The following COBL variants were observed in gnomAD, a reference collection of about 807,000 sequenced individuals.
COBL encodes the protein protein cordon-bleu.
A neutral mutation model predicts 98.8 loss-of-function variants in COBL; 51 were observed. That is an observed-to-expected ratio of 0.52 (90% CI 0.41 to 0.65). The LOEUF is 0.65. Among genes scored for constraint, COBL ranks in the 30% least tolerant of loss-of-function variants. The pLI is 0.00. For synonymous variants in COBL, 634 were observed against 651.7 expected, an observed-to-expected ratio of 0.97 and a Z score of 0.41; for missense variants, 1,617 against 1,617.5, an observed-to-expected ratio of 1.00 and a Z score of 0.01.
chr7:51,053,684 C>A (rs1263754573), intron 7 of COBL, among the ~76,000 whole-genome samples: 1 of 152,228 alleles, frequency 6.6e-6, no homozygotes, highest in African/African-American at 2.4e-5. Context: ...AAGCGCCCGT[C>A]CCTGTGCCTC....
chr7:51,238,539 A>G (rs1795483094), intron 1 of COBL, among the ~76,000 whole-genome samples: 1 of 152,216 alleles, frequency 6.6e-6, no homozygotes, highest in Non-Finnish European at 1.5e-5. Flanking sequence ...AAATTGTCAG[A>G]GGCCTCCGAA....
chr7:51,178,063 T>C (rs961173951), intron 5 of COBL, among the ~76,000 whole-genome samples: 1 of 152,052 alleles, frequency 6.6e-6, no homozygotes, highest in Non-Finnish European at 1.5e-5. Context: ...GGAGAATCAC[T>C]TGAATCTGGG....
In COBL at chr7:51,016,310, G is replaced by A. The variant is rs1021341891; in HGVS notation, c.*1241C>T. The A allele has an allele frequency of 6.6e-6, 1 of 152,218 alleles. No homozygotes were observed. Among genetic ancestry groups the A allele is most frequent in the Non-Finnish European group, 1.5e-5 (1 of 68,042 alleles). 9.4% of individuals were successfully genotyped at this position (152,218 alleles called of 1,614,324 possible). On this transcript the variant is annotated 3_prime_UTR_variant, in exon 13 of 13. Transcript: ENST00000265136. ...CGTGCCTCACCAAGAGTTTAGCAACGTTAATCAGTGAATGCAGAACAGCTT... is the reference window on the plus strand; with the variant it reads ...CGTGCCTCACCAAGAGTTTAGCAACATTAATCAGTGAATGCAGAACAGCTT...
chr7:51,064,331 T>C (rs906722183), intron 7 of COBL: 2 of 151,280 alleles, frequency 1.3e-5, no homozygotes, highest in African/African-American at 4.9e-5. Context: ...GGCAAAGATA[T>C]GCTGGATTCA....
At chr7:51,208,359 G>A (rs1377987749) in intron 2 of COBL, among the ~76,000 whole-genome samples, 2 of 151,062 alleles carry the variant, frequency 1.3e-5, no homozygotes, top group African/African-American at 2.4e-5. Context: ...CCCCCCGCCA[G>A]GCCAGCCGCC....
intron 1 of COBL, among the ~76,000 whole-genome samples, chr7:51,230,061 T>C (rs1201224917): frequency 6.6e-6 from 1 of 152,146 alleles, no homozygotes; most frequent in Non-Finnish European, 1.5e-5. Flanking sequence ...CCCAGAGCTC[T>C]GGTTGACCTC....
chr7:51,301,320 C>A (rs373973943), intron 1 of COBL, among the ~76,000 whole-genome samples: 1 of 152,200 alleles, frequency 6.6e-6, no homozygotes, highest in African/African-American at 2.4e-5. Flanking sequence ...CTTCAACTAC[C>A]GCGCCTGGCA....
At chr7:51,259,180 G>A (rs1468465439) in intron 1 of COBL, among the ~76,000 whole-genome samples, 3 of 151,732 alleles carry the variant, frequency 2.0e-5, no homozygotes, top group African/African-American at 4.8e-5. Flanking sequence ...CCAGCTACTC[G>A]GGAGGCTGAG....
chr7:51,050,700 T>C (rs890916384), intron 7 of COBL, among the ~76,000 whole-genome samples: 2 of 152,200 alleles, frequency 1.3e-5, no homozygotes, highest in Non-Finnish European at 2.9e-5. Context: ...GAAGAACTTA[T>C]CCACGGACTG....
chr7:51,230,140 C>A (rs891542956), intron 1 of COBL, among the ~76,000 whole-genome samples: 2 of 152,174 alleles, frequency 1.3e-5, no homozygotes, highest in African/African-American at 2.4e-5. Flanking sequence ...GTGCCCCCAG[C>A]TGCCCCCATC....
intron 6 of COBL, among the ~76,000 whole-genome samples, chr7:51,110,131 C>A (rs1189393246): frequency 6.6e-6 from 1 of 152,170 alleles, no homozygotes; most frequent in East Asian, 1.9e-4. Context: ...CATTTAAAAT[C>A]TTTTCTATTT....
intron 2 of COBL, among the ~76,000 whole-genome samples, chr7:51,212,925 T>C (rs1652930951): frequency 6.6e-6 from 1 of 152,234 alleles, no homozygotes; most frequent in Non-Finnish European, 1.5e-5. Flanking sequence ...AGACTCTAAG[T>C]ACCCAGGACG....
intron 2 of COBL, among the ~76,000 whole-genome samples, chr7:51,207,798 C>A (rs575626868): frequency 1.2e-3 from 179 of 145,482 alleles, no homozygotes; most frequent in African/African-American, 3.6e-3. Context: ...ACCTCCCAGC[C>A]GCCTGCCTTG....
chr7:51,210,134 C>G (rs889538026), intron 2 of COBL, among the ~76,000 whole-genome samples: 1 of 152,206 alleles, frequency 6.6e-6, no homozygotes, highest in Non-Finnish European at 1.5e-5. Flanking sequence ...GGTCAATACT[C>G]CACAATGTGG....
At chr7:51,267,496 T>A (rs888592941) in intron 1 of COBL, among the ~76,000 whole-genome samples, 6 of 151,354 alleles carry the variant, frequency 4.0e-5, no homozygotes, top group Non-Finnish European at 8.9e-5. Context: ...ATATATATAT[T>A]ACTAGTATAT....
chr7:51,174,948 C>A (rs1306824070), intron 5 of COBL, among the ~76,000 whole-genome samples: 1 of 152,196 alleles, frequency 6.6e-6, no homozygotes, highest in Non-Finnish European at 1.5e-5. Flanking sequence ...CACAACAGCA[C>A]CCAGCGTTTT....
At chr7:51,185,399 G>A (rs1353465446) in intron 4 of COBL, among the ~76,000 whole-genome samples, 1 of 152,198 alleles carries the variant, frequency 6.6e-6, no homozygotes, top group Non-Finnish European at 1.5e-5. Context: ...GCGCCCATGT[G>A]TGAGGCACAC....
At chr7:51,114,967 C>A (rs1431685502) in intron 6 of COBL, among the ~76,000 whole-genome samples, 1 of 152,188 alleles carries the variant, frequency 6.6e-6, no homozygotes, top group Non-Finnish European at 1.5e-5. Flanking sequence ...ATATTCACTG[C>A]AATTACCATC....
At chr7:51,287,087 A>G (rs1250991648) in intron 1 of COBL, among the ~76,000 whole-genome samples, 1 of 152,154 alleles carries the variant, frequency 6.6e-6, no homozygotes, top group East Asian at 1.9e-4. Context: ...AGATGGGAAC[A>G]ACAGACACTG....
Sources: gnomAD v4.1 joint callset for allele counts (sites outside exome capture counted in the v4.1 genomes callset) on GRCh38, gnomAD v4.1.1 for gene constraint, MANE v1.5 for transcripts, NCBI Gene and HGNC (gene_info 2026-07-23, HGNC 2026-07-21) for gene names.